Variants in CHPT1 observed in about 807,000 individuals in gnomAD.
CHPT1 encodes choline phosphotransferase 1, also known as cholinephosphotransferase 1.
Under a neutral mutation model 47.6 loss-of-function variants are expected in CHPT1, and 36 were observed. That is an observed-to-expected ratio of 0.76 (90% CI 0.58 to 1.00). The LOEUF (loss-of-function observed/expected upper bound fraction) is 1.00, where lower values mean the gene tolerates loss of function less well. Ranked by LOEUF, CHPT1 falls within the 50% of genes least tolerant of loss-of-function variation. The pLI is 0.00. For missense variants in CHPT1, 458 were observed against 498.1 expected (o/e 0.92, Z 0.77); for synonymous variants, 194 against 186.3 (o/e 1.04, Z -0.33).
rs543648062 is a variant in CHPT1, at chr12:101,714,533, G to C, written c.451G>C (p.Ala151Pro). ...VFMAVGASIA[A>P]RLGTYPDWFF... ...TATGGCAGTGGGAGCTTCAATTGCC[G>C]CTCGCTTAGGAACTTATCCTGACTG... The change falls in exon 3 of 9, where the codon GCT becomes CCT. Residue 151 changes from alanine to proline, a missense_variant. Transcript: ENST00000229266. 3.1e-6 allele frequency: 5 copies of C among 1,604,632 alleles called. No homozygotes were observed. Among genetic ancestry groups the C allele is most frequent in the Non-Finnish European group, 4.2e-6 (5 of 1,176,898 alleles).
intron 8 of CHPT1, chr12:101,728,553 T>C (rs1167747609): frequency 5.1e-6 from 1 of 196,450 alleles, no homozygotes; most frequent in Non-Finnish European, 1.0e-5. Context: ...ACATGTAAAA[T>C]AGATTTTGTA....
intron 4 of CHPT1, chr12:101,719,914 C>A (rs1017881587): frequency 1.4e-4 from 39 of 277,656 alleles, no homozygotes; most frequent in African/African-American, 9.0e-4. Context: ...CTTGGCTAGT[C>A]TACAAAAAAT....
intron 1 of CHPT1, 102 bp downstream of exon 1, chr12:101,698,236 CG>C (rs1278598497): frequency 3.3e-5 from 44 of 1,338,548 alleles, no homozygotes; most frequent in Non-Finnish European, 4.2e-5. Flanking sequence ...GAGCCTCTCC[CG>C]GGCCCCGGAG....
At position 101,723,343 on chromosome 12, in the gene CHPT1, A is replaced by T; in HGVS notation, c.939+17A>T. 2.1e-6 allele frequency: 3 copies of T among 1,422,436 alleles called. No homozygotes were observed. Among genetic ancestry groups the T allele is most frequent in the Non-Finnish European group, 2.9e-6 (3 of 1,025,856 alleles). The allele number at this position is 1,422,436 out of a possible 1,614,324, so 88.1% of individuals were successfully genotyped here. ...AAATTAGTGGTAAGAAATTTTTATT[A>T]TTCATGATATAAATAATATACTTAG... On this transcript the variant is annotated intron_variant, in intron 6 of 8. Transcript: ENST00000229266.
chr12:101,722,084 A>T (rs562164415), intron 5 of CHPT1, among the ~76,000 whole-genome samples: 215 of 152,106 alleles, frequency 1.4e-3, no homozygotes, highest in African/African-American at 3.7e-3. Context: ...TATTTTCATT[A>T]AAAAAACTGT....
intron 3 of CHPT1, 109 bp downstream of exon 3, chr12:101,714,754 T>A: frequency 8.5e-7 from 1 of 1,171,788 alleles, no homozygotes; most frequent in Non-Finnish European, 1.2e-6. Flanking sequence ...ATCAGTAACT[T>A]AAATTAATTC....
intron 1 of CHPT1, among the ~76,000 whole-genome samples, chr12:101,698,871 G>T (rs1951506575): frequency 6.6e-6 from 1 of 152,138 alleles, no homozygotes; most frequent in Non-Finnish European, 1.5e-5. Context: ...GAGGGATAGG[G>T]GGCAGAGTGG....
intron 1 of CHPT1, among the ~76,000 whole-genome samples, chr12:101,707,836 C>T (rs1457563580): frequency 6.6e-6 from 1 of 152,110 alleles, no homozygotes; most frequent in African/African-American, 2.4e-5. Context: ...GTAGATGCCT[C>T]CTCTCTCACC....
At chr12:101,720,071 TA>T (rs1951826983) in intron 4 of CHPT1, 51 bp from the exon 5 acceptor site, 1 of 1,416,872 alleles carries the variant, frequency 7.1e-7, no homozygotes, top group Non-Finnish European at 9.6e-7. Flanking sequence ...TATTATTTAA[TA>T]AAAAACCAAA....
At chr12:101,725,408 G>C (rs1334571194) in intron 7 of CHPT1, among the ~76,000 whole-genome samples, 1 of 151,746 alleles carries the variant, frequency 6.6e-6, no homozygotes, top group African/African-American at 2.4e-5. Context: ...AAAAAATAGG[G>C]GATAATTAAT....
chr12:101,710,713 T>TGTAGCTAGTTTCTCA (rs1224777751), intron 1 of CHPT1, among the ~76,000 whole-genome samples: 2 of 148,974 alleles, frequency 1.3e-5, no homozygotes, highest in African/African-American at 4.9e-5. Flanking sequence ...TGTTAATACC[T>TGTAGCTAGTTTCTCA]GACCATGAGA....
chr12:101,725,467 A>G (rs1951928015), intron 7 of CHPT1, among the ~76,000 whole-genome samples: 1 of 152,150 alleles, frequency 6.6e-6, no homozygotes, highest in Non-Finnish European at 1.5e-5. Flanking sequence ...GAACTTAGGT[A>G]TGTATTACCA....
At chr12:101,703,322 A>G (rs753327036) in intron 1 of CHPT1, among the ~76,000 whole-genome samples, 4 of 152,204 alleles carry the variant, frequency 2.6e-5, no homozygotes, top group East Asian at 1.9e-4. Context: ...AAGAACCCTA[A>G]TAAGTATTAA....
Position 101,726,410 on chromosome 12 carries a change from C to T in CHPT1, c.1176+6C>T. The T allele has an allele frequency of 6.2e-7, 1 of 1,611,166 alleles. No individual in the cohort carries two copies. Among genetic ancestry groups the T allele is most frequent in the Non-Finnish European group, 8.5e-7 (1 of 1,179,106 alleles). ...GTCATCAAGCACCTGAACAGGTTCA[C>T]AAGCATATTGACTGACTAATAGCCC... On this transcript the variant is annotated splice_donor_region_variant and intron_variant, in intron 8 of 8. Coordinates refer to ENST00000229266, the MANE Select transcript of CHPT1 (RefSeq NM_020244.3).
chr12:101,710,082 C>T lies in CHPT1; in HGVS notation c.274-4008C>T, dbSNP rs1346269468. ...TTTATCAGCTGGGTGTGGTGGCTCA[C>T]GCCTGTAATCCCAGCACTTTGGGAG... On this transcript the variant is annotated intron_variant, in intron 1 of 8. Coordinates refer to ENST00000229266, the MANE Select transcript of CHPT1 (RefSeq NM_020244.3). Among the ~76,000 whole-genome samples the T allele has an allele frequency of 2.2e-4, 33 of 149,222 alleles. 2 individuals carry two copies. In the Admixed American group the frequency reaches 2.2e-3, roughly 10 times the overall value.
chr12:101,721,635 C>CA (rs1390518412), intron 5 of CHPT1, among the ~76,000 whole-genome samples: 7 of 152,262 alleles, frequency 4.6e-5, no homozygotes, highest in Admixed American at 3.3e-4. Context: ...GGTGTTTTGT[C>CA]AGTTGATCTC....
intron 1 of CHPT1, among the ~76,000 whole-genome samples, chr12:101,708,480 G>A (rs1482890563): frequency 6.6e-6 from 1 of 151,910 alleles, no homozygotes; most frequent in African/African-American, 2.4e-5. Context: ...CCACATAATT[G>A]AATACCATGC....
At chr12:101,707,507 A>G (rs2137006094) in intron 1 of CHPT1, among the ~76,000 whole-genome samples, 1 of 152,286 alleles carries the variant, frequency 6.6e-6, no homozygotes, top group Admixed American at 6.5e-5. Flanking sequence ...TTTTGCACAA[A>G]CACCTTTATT....
intron 3 of CHPT1, among the ~76,000 whole-genome samples, chr12:101,715,233 G>A (rs1951747707): frequency 1.3e-5 from 2 of 152,164 alleles, no homozygotes; most frequent in African/African-American, 4.8e-5. Flanking sequence ...ACTATTCTCT[G>A]TTCCTCTTTT....
Sources: allele counts gnomAD v4.1 joint callset (sites outside exome capture counted in the v4.1 genomes callset), GRCh38; gene constraint gnomAD v4.1.1; transcripts MANE v1.5; gene names NCBI Gene and HGNC (gene_info 2026-07-23, HGNC 2026-07-21).